The following NLGN1 variants were observed in gnomAD, a reference collection of about 807,000 sequenced individuals.
NLGN1 encodes the protein neuroligin 1.
Under a neutral mutation model 65.5 loss-of-function variants are expected in NLGN1, and 12 were observed. The observed-to-expected ratio is 0.18, with a 90% CI of 0.12 to 0.30. NLGN1 has a LOEUF of 0.30. Among genes scored for constraint, NLGN1 ranks in the 10% least tolerant of loss-of-function variants. NLGN1 has a pLI of 1.00. For synonymous variants in NLGN1, 350 were observed against 359.5 expected (o/e 0.97, Z 0.30); for missense variants, 750 against 1,007.1 (o/e 0.74, Z 3.46).
At chr3:173,843,840 T>G (rs1725254620) in intron 4 of NLGN1, among the ~76,000 whole-genome samples, 1 of 152,160 alleles carries the variant, frequency 6.6e-6, no homozygotes, top group South Asian at 2.1e-4. Flanking sequence ...CAAAGTCACT[T>G]CCCCATTTTT....
At chr3:174,116,914 C>A (rs1179695774) in intron 4 of NLGN1, among the ~76,000 whole-genome samples, 1 of 151,726 alleles carries the variant, frequency 6.6e-6, no homozygotes, top group South Asian at 2.1e-4. Context: ...ATTTCTATTC[C>A]GTGAATGGAA....
chr3:173,512,482 G>C (rs1560364146), intron 2 of NLGN1, among the ~76,000 whole-genome samples: 1 of 152,164 alleles, frequency 6.6e-6, no homozygotes, highest in Non-Finnish European at 1.5e-5. Flanking sequence ...GCCTCTCTCT[G>C]ACATCCAGGT....
intron 4 of NLGN1, among the ~76,000 whole-genome samples, chr3:174,221,693 C>CA (rs1561322874): frequency 1.3e-5 from 2 of 151,532 alleles, no homozygotes; most frequent in African/African-American, 4.9e-5. Flanking sequence ...TTTATTCTCT[C>CA]AAAGTTCTGA....
chr3:173,826,515 C>T (rs1448358025), intron 4 of NLGN1, among the ~76,000 whole-genome samples: 3 of 152,102 alleles, frequency 2.0e-5, no homozygotes, highest in Non-Finnish European at 2.9e-5. Context: ...AAGCAGAATA[C>T]TTAAATTTTC....
chr3:173,773,967 T>C (rs1779940707), intron 3 of NLGN1, among the ~76,000 whole-genome samples: 2 of 152,140 alleles, frequency 1.3e-5, no homozygotes, highest in Non-Finnish European at 2.9e-5. Context: ...TCAGACAAAG[T>C]AGCACACCCG....
intron 3 of NLGN1, among the ~76,000 whole-genome samples, chr3:173,689,644 G>T (rs952911360): frequency 6.6e-6 from 1 of 152,084 alleles, no homozygotes; most frequent in African/African-American, 2.4e-5. Context: ...GCTCCCATGC[G>T]CTGCAAAATC....
intron 4 of NLGN1, among the ~76,000 whole-genome samples, chr3:174,146,859 C>T (rs1003369814): frequency 8.6e-5 from 13 of 151,952 alleles, no homozygotes; most frequent in Admixed American, 3.3e-4. Context: ...TGAGCCACTG[C>T]GCCGGGCTGA....
intron 4 of NLGN1, among the ~76,000 whole-genome samples, chr3:173,825,814 G>A (rs1486542471): frequency 6.6e-6 from 1 of 151,990 alleles, no homozygotes; most frequent in Non-Finnish European, 1.5e-5. Context: ...TACAAGATAT[G>A]TTCTCTCTAG....
At chr3:173,705,794 C>G (rs111579537) in intron 3 of NLGN1, among the ~76,000 whole-genome samples, 78 of 151,668 alleles carry the variant, frequency 5.1e-4, no homozygotes, top group African/African-American at 1.8e-3. Flanking sequence ...TTTACATTTG[C>G]TTATGCTGCT....
intron 4 of NLGN1, among the ~76,000 whole-genome samples, chr3:174,184,633 T>A (rs1731062470): frequency 1.3e-5 from 2 of 152,172 alleles, no homozygotes; most frequent in Admixed American, 1.3e-4. Flanking sequence ...TCTGCCTACA[T>A]GCTCAGCACT....
rs576132801 is a variant in NLGN1, at chr3:173,781,860, T to C, written c.494-25820T>C. On this transcript the variant is annotated intron_variant, in intron 3 of 6. Coordinates refer to ENST00000457714, the Ensembl canonical transcript of NLGN1. ...GGCACTGGTACTCTTGGTAGAGTCA[T>C]AAACTATTAGCTCAAACTGGACAAT... is the stretch of plus-strand genomic sequence containing the variant. 2.6e-5 allele frequency among the ~76,000 whole-genome samples: 4 copies of C among 152,364 alleles called. No individual in the cohort carries two copies. In the East Asian group the frequency reaches 5.8e-4, roughly 22 times the overall value.
intron 3 of NLGN1, among the ~76,000 whole-genome samples, chr3:173,778,171 C>A (rs1480281244): frequency 1.3e-5 from 2 of 151,618 alleles, no homozygotes; most frequent in Non-Finnish European, 3.0e-5. Flanking sequence ...TTAAAAAAAA[C>A]CTGTTTTTCA....
chr3:173,647,632 T>C (rs1337943681), intron 3 of NLGN1, among the ~76,000 whole-genome samples: 1 of 152,062 alleles, frequency 6.6e-6, no homozygotes, highest in Non-Finnish European at 1.5e-5. Context: ...TTAAACTGAA[T>C]GAAAATACAA....
chr3:174,258,561 C>T (rs1030655341), intron 4 of NLGN1, among the ~76,000 whole-genome samples: 5 of 152,052 alleles, frequency 3.3e-5, no homozygotes, highest in Non-Finnish European at 4.4e-5. Flanking sequence ...CCTAACCAAA[C>T]GGTCAATGGG....
intron 4 of NLGN1, among the ~76,000 whole-genome samples, chr3:174,073,188 GT>G (rs557228923): frequency 2.0e-5 from 3 of 150,048 alleles, no homozygotes; most frequent in South Asian, 2.1e-4. Flanking sequence ...AAAATCATAG[GT>G]TTTTTTTTCA....
intron 4 of NLGN1, among the ~76,000 whole-genome samples, chr3:174,203,638 C>T (rs1187139795): frequency 6.6e-6 from 1 of 152,096 alleles, no homozygotes; most frequent in African/African-American, 2.4e-5. Flanking sequence ...CAAAGAACAC[C>T]CTCCCATCAC....
intron 3 of NLGN1, among the ~76,000 whole-genome samples, chr3:173,723,604 A>G (rs761769691): frequency 3.9e-5 from 6 of 152,148 alleles, no homozygotes; most frequent in Middle Eastern, 3.2e-3. Context: ...AATGATCACT[A>G]TGTTATAACT....
intron 4 of NLGN1, among the ~76,000 whole-genome samples, chr3:173,862,676 A>G (rs906087244): frequency 3.3e-5 from 5 of 152,126 alleles, no homozygotes; most frequent in African/African-American, 1.2e-4. Context: ...GACTATTTAG[A>G]CAGCATTTTA....
At chr3:173,681,123 T>A (rs958363865) in intron 3 of NLGN1, among the ~76,000 whole-genome samples, 1 of 152,230 alleles carries the variant, frequency 6.6e-6, no homozygotes, top group Admixed American at 6.5e-5. Flanking sequence ...TTGTATAGAT[T>A]GAGTCTACTC....
Sources: gnomAD v4.1 joint callset for allele counts (sites outside exome capture counted in the v4.1 genomes callset) on GRCh38, gnomAD v4.1.1 for gene constraint, MANE v1.5 for transcripts, NCBI Gene and HGNC (gene_info 2026-07-23, HGNC 2026-07-21) for gene names.